ARID1B: variants seen among roughly 807,000 people sequenced by gnomAD.
The protein encoded by ARID1B is AT-rich interaction domain 1B, also known as AT-rich interactive domain-containing protein 1B.
A neutral mutation model predicts 212.3 loss-of-function variants in ARID1B; 30 were observed. The observed-to-expected ratio is 0.14, with a 90% CI of 0.11 to 0.19. The LOEUF (loss-of-function observed/expected upper bound fraction) is 0.19. Among genes scored for constraint, ARID1B ranks in the 10% least tolerant of loss-of-function variants. ARID1B has a pLI of 1.00. For synonymous variants in ARID1B, 1,402 were observed against 1,301.7 expected (o/e 1.08, Z -1.66); for missense variants, 2,891 against 3,204.0 (o/e 0.90, Z 2.36).
intron 2 of ARID1B, among the ~76,000 whole-genome samples, chr6:156,848,862 C>T (rs1262968555): frequency 9.9e-5 from 15 of 152,196 alleles, no homozygotes; most frequent in African/African-American, 3.4e-4. Context: ...AAATAAAAGA[C>T]GAGTCATCTG....
intron 5 of ARID1B, among the ~76,000 whole-genome samples, chr6:157,100,909 T>C (rs963072132): frequency 2.0e-5 from 3 of 152,196 alleles, no homozygotes; most frequent in Non-Finnish European, 4.4e-5. Context: ...ATACAACCCA[T>C]AGTAAGAAGT....
chr6:156,858,925 A>G (rs287910), intron 2 of ARID1B, among the ~76,000 whole-genome samples: 100,677 of 152,078 alleles, frequency 0.66, 33,902 homozygotes, highest in African/African-American at 0.76. Context: ...TGGAAGTTGC[A>G]CTGAGCGAGT....
intron 16 of ARID1B, chr6:157,198,596 T>TAG: frequency 1.9e-6 from 1 of 532,136 alleles, no homozygotes; most frequent in East Asian, 2.9e-5. Flanking sequence ...CAGCCCAAAC[T>TAG]AGGAGCTTGG....
At chr6:156,962,907 C>A (rs1271313727) in intron 4 of ARID1B, among the ~76,000 whole-genome samples, 1 of 151,854 alleles carries the variant, frequency 6.6e-6, no homozygotes, top group Admixed American at 6.6e-5. Flanking sequence ...CTCAGCCTCC[C>A]AGTAGCTGGG....
At chr6:156,869,602 A>G (rs547396879) in intron 2 of ARID1B, among the ~76,000 whole-genome samples, 2 of 152,322 alleles carry the variant, frequency 1.3e-5, no homozygotes, top group Admixed American at 1.3e-4. Flanking sequence ...GAGGACATGG[A>G]AAGACTTTAT....
intron 8 of ARID1B, among the ~76,000 whole-genome samples, chr6:157,161,492 A>G (rs1790944423): frequency 6.6e-6 from 1 of 151,284 alleles, no homozygotes; most frequent in Non-Finnish European, 1.5e-5. Flanking sequence ...CCCTCTTAAA[A>G]TATTAAATTT....
intron 8 of ARID1B, chr6:157,151,896 A>G (rs977783810): frequency 6.6e-6 from 1 of 152,232 alleles, no homozygotes; most frequent in East Asian, 1.9e-4. Flanking sequence ...ATTTATTTAG[A>G]CAGAACAAAT....
chr6:157,163,331 C>G (rs1282530771), intron 8 of ARID1B, among the ~76,000 whole-genome samples: 1 of 152,142 alleles, frequency 6.6e-6, no homozygotes, highest in African/African-American at 2.4e-5. Flanking sequence ...GTTAGCAACA[C>G]CACGCTGAGC....
chr6:157,109,136 G>A (rs1042599409), intron 5 of ARID1B, among the ~76,000 whole-genome samples: 3 of 152,258 alleles, frequency 2.0e-5, no homozygotes, highest in East Asian at 1.9e-4. Flanking sequence ...TTCTGGGACC[G>A]TGTCCTGCCT....
chr6:157,014,603 C>G (rs376234030), intron 4 of ARID1B, among the ~76,000 whole-genome samples: 1 of 151,948 alleles, frequency 6.6e-6, no homozygotes, highest in Non-Finnish European at 1.5e-5. Flanking sequence ...TTCATCTCAC[C>G]CAATACAGCT....
chr6:156,806,322 T>A (rs1486265087), intron 1 of ARID1B, among the ~76,000 whole-genome samples: 2 of 152,242 alleles, frequency 1.3e-5, no homozygotes, highest in Non-Finnish European at 2.9e-5. Context: ...ACCCCATGCC[T>A]TACCGTGCCA....
intron 4 of ARID1B, among the ~76,000 whole-genome samples, chr6:157,014,785 CAT>C (rs957542032): frequency 7.2e-5 from 11 of 151,776 alleles, no homozygotes; most frequent in Non-Finnish European, 1.0e-4. Flanking sequence ...CATCTAGAGC[CAT>C]TAAATTTCCT....
intron 4 of ARID1B, among the ~76,000 whole-genome samples, chr6:157,063,576 A>T (rs1377190471): frequency 6.6e-6 from 1 of 152,214 alleles, no homozygotes; most frequent in Non-Finnish European, 1.5e-5. Context: ...TTGAGTGTGG[A>T]AGAATAGTAT....
intron 3 of ARID1B, among the ~76,000 whole-genome samples, chr6:156,909,437 A>T (rs368944327): frequency 4.6e-5 from 7 of 152,128 alleles, no homozygotes; most frequent in Non-Finnish European, 8.8e-5. Flanking sequence ...GGCGTTTCTT[A>T]TATAACAGCA....
At chr6:156,890,410 A>G (rs1324113494) in intron 2 of ARID1B, among the ~76,000 whole-genome samples, 2 of 152,150 alleles carry the variant, frequency 1.3e-5, no homozygotes, top group Non-Finnish European at 2.9e-5. Context: ...AAAAATGAGA[A>G]CTTTTCAATG....
chr6:157,041,740 C>T (rs1245451297), intron 4 of ARID1B, among the ~76,000 whole-genome samples: 1 of 152,158 alleles, frequency 6.6e-6, no homozygotes, highest in Non-Finnish European at 1.5e-5. Context: ...GTGTCAGCCC[C>T]AGCACCTTCT....
chr6:157,012,738 T>A (rs1583143491), intron 4 of ARID1B, among the ~76,000 whole-genome samples: 1 of 152,334 alleles, frequency 6.6e-6, no homozygotes, highest in Middle Eastern at 3.4e-3. Flanking sequence ...GAAGTTATAC[T>A]CTGTTAATAT....
At chr6:156,858,858 A>G (rs1232372740) in intron 2 of ARID1B, among the ~76,000 whole-genome samples, 1 of 152,214 alleles carries the variant, frequency 6.6e-6, no homozygotes, top group Admixed American at 6.5e-5. Context: ...AGTTAAAAAA[A>G]CCGTAAAAAT....
chr6:157,001,916 C>T lies in ARID1B; in HGVS notation c.2247+66340C>T, dbSNP rs191828533. Among the ~76,000 whole-genome samples the T allele has an allele frequency of 1.1e-3, 162 of 152,262 alleles. 3 individuals carry two copies. Among genetic ancestry groups the T allele is most frequent in the Non-Finnish European group, 4.0e-4 (27 of 68,008 alleles). On this transcript the variant is annotated intron_variant, in intron 4 of 19. Coordinates refer to ENST00000636930, the MANE Select transcript of ARID1B (RefSeq NM_001374828.1). ...GGTCGCACACCTTACCAACAGCAGGCGGCGAGGGCTCCCCACGCTGCTCGT... is the reference window on the plus strand; with the variant it reads ...GGTCGCACACCTTACCAACAGCAGGTGGCGAGGGCTCCCCACGCTGCTCGT...
Sources: allele counts gnomAD v4.1 joint callset (sites outside exome capture counted in the v4.1 genomes callset), GRCh38; gene constraint gnomAD v4.1.1; transcripts MANE v1.5; gene names NCBI Gene and HGNC (gene_info 2026-07-23, HGNC 2026-07-21).